Variants in NRXN1 observed in about 807,000 individuals in gnomAD.
The protein encoded by NRXN1 is neurexin-1.
A neutral mutation model predicts 150.9 loss-of-function variants in NRXN1; 39 were observed. That is an observed-to-expected ratio of 0.26 (90% CI 0.20 to 0.34). The LOEUF is 0.34. Ranked by LOEUF, NRXN1 falls within the 10% of genes least tolerant of loss-of-function variation. NRXN1 has a pLI of 1.00. For missense variants in NRXN1, 1,815 were observed against 1,949.9 expected (o/e 0.93, Z 1.30); for synonymous variants, 924 against 757.0 (o/e 1.22, Z -3.62).
At chr2:50,243,729 G>A (rs925910603) in intron 17 of NRXN1, among the ~76,000 whole-genome samples, 2 of 151,730 alleles carry the variant, frequency 1.3e-5, no homozygotes, top group Non-Finnish European at 2.9e-5. Flanking sequence ...ATTTTTAAGG[G>A]GATCAGAGGA....
intron 17 of NRXN1, among the ~76,000 whole-genome samples, chr2:50,442,427 T>A (rs1156641325): frequency 6.6e-6 from 1 of 152,136 alleles, no homozygotes; most frequent in Non-Finnish European, 1.5e-5. Flanking sequence ...CCTATACACC[T>A]ATTGCTGAAG....
intron 21 of NRXN1, among the ~76,000 whole-genome samples, chr2:50,029,245 C>A (rs1222088752): frequency 6.6e-6 from 1 of 152,190 alleles, no homozygotes; most frequent in African/African-American, 2.4e-5. Flanking sequence ...CCACCTTGAT[C>A]ATGGACTTCT....
At chr2:50,850,762 T>C (rs1177974580) in intron 5 of NRXN1, among the ~76,000 whole-genome samples, 2 of 152,010 alleles carry the variant, frequency 1.3e-5, no homozygotes, top group Non-Finnish European at 2.9e-5. Context: ...TTCCACACAT[T>C]TGAGTTGCGA....
intron 15 of NRXN1, among the ~76,000 whole-genome samples, chr2:50,478,525 C>T (rs1002798601): frequency 1.3e-5 from 2 of 152,138 alleles, no homozygotes; most frequent in East Asian, 1.9e-4. Context: ...AAACTCTCCG[C>T]TGAAGAGATG....
At chr2:50,358,845 C>G (rs914862515) in intron 17 of NRXN1, among the ~76,000 whole-genome samples, 1 of 152,232 alleles carries the variant, frequency 6.6e-6, no homozygotes, top group African/African-American at 2.4e-5. Flanking sequence ...CAGCTGGCAT[C>G]TGGCAGGTGT....
intron 5 of NRXN1, among the ~76,000 whole-genome samples, chr2:50,863,302 T>C (rs1453155731): frequency 6.6e-6 from 1 of 152,054 alleles, no homozygotes; most frequent in East Asian, 1.9e-4. Flanking sequence ...ATGTCTAAGA[T>C]AAATTATTAC....
At chr2:50,818,221 A>G (rs1394786669) in intron 5 of NRXN1, among the ~76,000 whole-genome samples, 1 of 151,052 alleles carries the variant, frequency 6.6e-6, no homozygotes, top group Non-Finnish European at 1.5e-5. Flanking sequence ...AAAAAAAGAT[A>G]TTAATAGTTT....
chr2:50,425,401 C>T (rs2084395917), intron 17 of NRXN1, among the ~76,000 whole-genome samples: 1 of 152,162 alleles, frequency 6.6e-6, no homozygotes, highest in African/African-American at 2.4e-5. Flanking sequence ...AACCAGCAAG[C>T]TTCCTGTCTT....
chr2:50,651,973 G>A (rs77404298), intron 5 of NRXN1, among the ~76,000 whole-genome samples: 87 of 152,178 alleles, frequency 5.7e-4, no homozygotes, highest in African/African-American at 2.1e-3. Context: ...GCTGCTCTGT[G>A]GCCACAGGGC....
chr2:50,403,426 A>G (rs1181077636), intron 17 of NRXN1, among the ~76,000 whole-genome samples: 1 of 152,158 alleles, frequency 6.6e-6, no homozygotes, highest in Admixed American at 6.6e-5. Context: ...TATCCCAGGT[A>G]ATTCTTACAT....
chr2:50,483,715 A>AT (rs2090654283), intron 15 of NRXN1, among the ~76,000 whole-genome samples: 1 of 152,170 alleles, frequency 6.6e-6, no homozygotes, highest in Non-Finnish European at 1.5e-5. Flanking sequence ...TCCCAGGCTA[A>AT]TTCTTTTCTG....
intron 18 of NRXN1, among the ~76,000 whole-genome samples, chr2:50,195,526 T>A (rs1226760186): frequency 2.0e-5 from 3 of 152,212 alleles, no homozygotes; most frequent in South Asian, 2.1e-4. Context: ...TTTGCTTAGA[T>A]AATGAGAAGC....
chr2:50,505,468 G>C (rs1385918674), intron 13 of NRXN1, among the ~76,000 whole-genome samples: 1 of 152,072 alleles, frequency 6.6e-6, no homozygotes, highest in Non-Finnish European at 1.5e-5. Context: ...TCTTACATGT[G>C]ACCTTAGATA....
intron 5 of NRXN1, among the ~76,000 whole-genome samples, chr2:50,865,458 C>G (rs1314830343): frequency 6.6e-6 from 1 of 151,412 alleles, no homozygotes; most frequent in Non-Finnish European, 1.5e-5. Flanking sequence ...TGGAGGATCT[C>G]CAGGATCAAA....
chr2:51,004,647 A>C (rs530552245), intron 2 of NRXN1, among the ~76,000 whole-genome samples: 1 of 149,178 alleles, frequency 6.7e-6, no homozygotes, highest in Non-Finnish European at 1.5e-5. Context: ...CGTCTCAAAA[A>C]TAAATAAATA....
chr2:50,918,821 T>C (rs1391622488), intron 5 of NRXN1: 1 of 251,886 alleles, frequency 4.0e-6, no homozygotes, highest in Non-Finnish European at 7.5e-6. Flanking sequence ...AACAACAACA[T>C]CATTGACAAA....
chr2:50,820,554 A>G (rs151327684), intron 5 of NRXN1, among the ~76,000 whole-genome samples: 1 of 152,156 alleles, frequency 6.6e-6, no homozygotes, highest in Non-Finnish European at 1.5e-5. Flanking sequence ...AAGCTCAAAA[A>G]CTAAAAAGCA....
At chr2:50,467,374 T>A (rs145834573) in intron 16 of NRXN1, among the ~76,000 whole-genome samples, 52 of 151,658 alleles carry the variant, frequency 3.4e-4, no homozygotes, top group Non-Finnish European at 6.5e-4. Flanking sequence ...AACATATAGG[T>A]TTTATAAAAA....
intron 17 of NRXN1, among the ~76,000 whole-genome samples, chr2:50,435,709 A>G (rs1371524203): frequency 7.9e-5 from 12 of 152,164 alleles, no homozygotes; most frequent in Admixed American, 7.9e-4. Flanking sequence ...AGTTATTTGA[A>G]AAATCACCAG....
Sources: gnomAD v4.1 joint callset for allele counts (sites outside exome capture counted in the v4.1 genomes callset) on GRCh38, gnomAD v4.1.1 for gene constraint, MANE v1.5 for transcripts, NCBI Gene and HGNC (gene_info 2026-07-23, HGNC 2026-07-21) for gene names.